The following ANO4 variants were observed in gnomAD, a reference collection of about 807,000 sequenced individuals.
ANO4 encodes the protein anoctamin-4.
In ANO4, 69 loss-of-function variants were observed where a neutral mutation model predicts 141.9. That is an observed-to-expected ratio of 0.49 (90% CI 0.40 to 0.59). The LOEUF is 0.59. Among genes scored for constraint, ANO4 ranks in the 20% least tolerant of loss-of-function variants. The pLI, the probability that ANO4 is intolerant of heterozygous loss-of-function variation, is 0.00. For synonymous variants in ANO4, 350 were observed against 394.3 expected (o/e 0.89, Z 1.33); for missense variants, 894 against 1,162.2 (o/e 0.77, Z 3.36).
intron 1 of ANO4, among the ~76,000 whole-genome samples, chr12:100,867,290 G>T (rs948129644): frequency 1.3e-5 from 2 of 152,046 alleles, no homozygotes; most frequent in Non-Finnish European, 2.9e-5. Flanking sequence ...TCAGTATATT[G>T]CCCAGATGAG....
intron 2 of ANO4, among the ~76,000 whole-genome samples, chr12:100,739,582 T>C (rs775542509): frequency 6.6e-6 from 1 of 152,162 alleles, no homozygotes. Context: ...TAATTTTTTT[T>C]ATTATGAACA....
intron 2 of ANO4, among the ~76,000 whole-genome samples, chr12:100,909,574 G>T (rs2041008427): frequency 6.6e-6 from 1 of 152,142 alleles, no homozygotes; most frequent in South Asian, 2.1e-4. Context: ...AATAAATAAG[G>T]TTATGGCAGC....
chr12:101,066,521 ACAAT>A (rs1333727553), intron 14 of ANO4, among the ~76,000 whole-genome samples: 3 of 152,258 alleles, frequency 2.0e-5, no homozygotes, highest in African/African-American at 7.2e-5. Flanking sequence ...AGCTACAAAT[ACAAT>A]CAAAGAACTA....
At chr12:100,963,217 G>A (rs2043499853) in intron 5 of ANO4, among the ~76,000 whole-genome samples, 1 of 152,090 alleles carries the variant, frequency 6.6e-6, no homozygotes, top group South Asian at 2.1e-4. Flanking sequence ...AAAGATATGA[G>A]TCTTGGAGAT....
At chr12:100,872,674 T>G in intron 1 of ANO4, among the ~76,000 whole-genome samples, 1 of 152,256 alleles carries the variant, frequency 6.6e-6, no homozygotes, top group East Asian at 1.9e-4. Context: ...CTTTTTACTT[T>G]ATATTTCGGC....
intron 5 of ANO4, among the ~76,000 whole-genome samples, chr12:100,969,199 G>A (rs964812478): frequency 6.6e-5 from 10 of 152,152 alleles, no homozygotes; most frequent in Admixed American, 1.3e-4. Context: ...GATAAATATT[G>A]TGTGTGTGGT....
chr12:101,035,229 A>G (rs2047147822), intron 9 of ANO4, among the ~76,000 whole-genome samples: 1 of 152,226 alleles, frequency 6.6e-6, no homozygotes, highest in Non-Finnish European at 1.5e-5. Context: ...TGAGCTACTG[A>G]TATTTGCAAC....
intron 14 of ANO4, among the ~76,000 whole-genome samples, chr12:101,053,872 C>T (rs973720917): frequency 3.9e-5 from 6 of 152,194 alleles, no homozygotes; most frequent in Admixed American, 6.5e-5. Flanking sequence ...CATGGCTTCA[C>T]GCTGTAAGCA....
At chr12:100,779,138 A>G (rs1158328611) in intron 3 of ANO4, among the ~76,000 whole-genome samples, 1 of 152,232 alleles carries the variant, frequency 6.6e-6, no homozygotes. Context: ...ACCAACCCCC[A>G]GAGAGTGTGA....
chr12:101,028,434 A>C (rs2046832770), intron 9 of ANO4, among the ~76,000 whole-genome samples: 1 of 152,236 alleles, frequency 6.6e-6, no homozygotes, highest in African/African-American at 2.4e-5. Context: ...GAACCTTGAA[A>C]AAAGGTTACA....
At chr12:100,924,261 T>C (rs2136111775) in intron 3 of ANO4, among the ~76,000 whole-genome samples, 1 of 152,248 alleles carries the variant, frequency 6.6e-6, no homozygotes, top group East Asian at 1.9e-4. Context: ...ATGAATAATT[T>C]TATGCTTTTT....
At chr12:101,084,414 T>C (rs2049402726) in intron 16 of ANO4, among the ~76,000 whole-genome samples, 1 of 152,204 alleles carries the variant, frequency 6.6e-6, no homozygotes, top group Admixed American at 6.5e-5. Flanking sequence ...AAAAGCAGTC[T>C]TAGTAATTAA....
chr12:100,815,293 T>A (rs2035671672), intron 1 of ANO4, among the ~76,000 whole-genome samples: 1 of 152,150 alleles, frequency 6.6e-6, no homozygotes, highest in Admixed American at 6.6e-5. Flanking sequence ...TTTTCTGAGC[T>A]TTCAGAGTTG....
At chr12:100,813,697 T>A (rs994742336) in intron 1 of ANO4, among the ~76,000 whole-genome samples, 1 of 152,128 alleles carries the variant, frequency 6.6e-6, no homozygotes, top group African/African-American at 2.4e-5. Flanking sequence ...GCGATGTAAA[T>A]TTTCCAACTG....
intron 2 of ANO4, among the ~76,000 whole-genome samples, chr12:100,918,701 C>G (rs568213422): frequency 6.6e-6 from 1 of 152,234 alleles, no homozygotes; most frequent in African/African-American, 2.4e-5. Context: ...AAATATAGCA[C>G]ATACAGTTAT....
Position 100,825,575 on chromosome 12 carries a change from T to C in ANO4, c.-141+30548T>C, listed in dbSNP as rs376354990. ...TTTGTGATAGATAAGACATAACTGATTCTGTAGTAAGAAGAACTAGGAAGA... is the reference window on the plus strand; with the variant it reads ...TTTGTGATAGATAAGACATAACTGACTCTGTAGTAAGAAGAACTAGGAAGA... On this transcript the variant is annotated intron_variant, in intron 1 of 27. Coordinates refer to ENST00000392977, the MANE Select transcript of ANO4 (RefSeq NM_001286615.2). Among the ~76,000 whole-genome samples the C allele has an allele frequency of 1.1e-4, 16 of 152,170 alleles. No individual in the cohort carries two copies. In the East Asian group the frequency reaches 3.1e-3, roughly 30 times the overall value.
chr12:100,931,430 A>G (rs1252266881), intron 3 of ANO4, among the ~76,000 whole-genome samples: 1 of 152,180 alleles, frequency 6.6e-6, no homozygotes, highest in African/African-American at 2.4e-5. Flanking sequence ...TAAGAACAGT[A>G]AAATGCTTCC....
chr12:101,035,838 C>T (rs929800894), intron 9 of ANO4, among the ~76,000 whole-genome samples: 3 of 152,116 alleles, frequency 2.0e-5, no homozygotes, highest in African/African-American at 4.8e-5. Context: ...ACAGGAGACA[C>T]TGGGGCCTAC....
At chr12:100,752,868 G>A (rs2032446072) in intron 3 of ANO4, among the ~76,000 whole-genome samples, 1 of 152,156 alleles carries the variant, frequency 6.6e-6, no homozygotes, top group African/African-American at 2.4e-5. Context: ...CAAAACCTCA[G>A]TGGCATACAG....
Sources: allele counts gnomAD v4.1 joint callset (sites outside exome capture counted in the v4.1 genomes callset), GRCh38; gene constraint gnomAD v4.1.1; transcripts MANE v1.5; gene names NCBI Gene and HGNC (gene_info 2026-07-23, HGNC 2026-07-21).